HS6ST3: variants seen among roughly 807,000 people sequenced by gnomAD.
HS6ST3 encodes the protein heparan-sulfate 6-O-sulfotransferase 3.
A neutral mutation model predicts 36.7 loss-of-function variants in HS6ST3; 12 were observed. The observed-to-expected ratio is 0.33, with a 90% confidence interval of 0.21 to 0.53. The LOEUF is 0.53. HS6ST3 is among the 20% of genes least tolerant of loss of function. The probability of loss-of-function intolerance (pLI) is 0.95; values close to 1 mark genes in which losing one functional copy is unlikely to be tolerated. For missense variants in HS6ST3, 584 were observed against 640.9 expected, an observed-to-expected ratio of 0.91 and a Z score of 0.96; for synonymous variants, 240 against 257.5, an observed-to-expected ratio of 0.93 and a Z score of 0.65.
At chr13:96,577,929 A>G (rs146239099) in intron 1 of HS6ST3, among the ~76,000 whole-genome samples, 1 of 152,356 alleles carries the variant, frequency 6.6e-6, no homozygotes, top group African/African-American at 2.4e-5. Flanking sequence ...GGAAGACTGT[A>G]TAGATCTTTT....
chr13:96,210,322 G>A (rs2139356969), intron 1 of HS6ST3, among the ~76,000 whole-genome samples: 2 of 152,116 alleles, frequency 1.3e-5, no homozygotes, highest in East Asian at 3.9e-4. Context: ...TGATAACTAG[G>A]GAGAGAAGAG....
chr13:96,513,862 GAGA>G (rs1379560855), intron 1 of HS6ST3, among the ~76,000 whole-genome samples: 1 of 151,964 alleles, frequency 6.6e-6, no homozygotes, highest in African/African-American at 2.4e-5. Context: ...GAGATGCAAT[GAGA>G]AGGAGACCTG....
intron 1 of HS6ST3, among the ~76,000 whole-genome samples, chr13:96,530,385 G>A (rs1332940975): frequency 6.6e-6 from 1 of 152,072 alleles, no homozygotes; most frequent in Admixed American, 6.6e-5. Flanking sequence ...AGTAGGTTCT[G>A]GAAAGATAAG....
At chr13:96,588,757 T>A (rs1384032595) in intron 1 of HS6ST3, among the ~76,000 whole-genome samples, 1 of 152,016 alleles carries the variant, frequency 6.6e-6, no homozygotes, top group Non-Finnish European at 1.5e-5. Context: ...TTTTTTAAAG[T>A]GTTTCCTCTA....
At chr13:96,634,898 AT>A (rs2139003009) in intron 1 of HS6ST3, among the ~76,000 whole-genome samples, 1 of 12,344 alleles carries the variant, frequency 8.1e-5, no homozygotes, top group Non-Finnish European at 2.7e-4. Flanking sequence ...ATTAGGTTTA[AT>A]CTTAATCTCT....
At chr13:96,408,261 T>C (rs2055489101) in intron 1 of HS6ST3, among the ~76,000 whole-genome samples, 2 of 151,998 alleles carry the variant, frequency 1.3e-5, no homozygotes, top group Admixed American at 1.3e-4. Context: ...ATACTGATAA[T>C]GGAAAGTATG....
chr13:96,588,145 T>C (rs997859053), intron 1 of HS6ST3, among the ~76,000 whole-genome samples: 5 of 152,192 alleles, frequency 3.3e-5, no homozygotes, highest in Non-Finnish European at 7.3e-5. Context: ...TAACAGTTTT[T>C]ATGTGTATTG....
Position 96,835,130 on chromosome 13 carries a change from T to C in HS6ST3, c.*1932T>C, listed in dbSNP as rs1464080179. On this transcript the variant is annotated 3_prime_UTR_variant, in exon 2 of 2. Transcript: ENST00000376705. The stretch of plus-strand genomic sequence containing the variant: ...TCTTTACTCCGTCACCATATCCATA[T>C]GGAATAAGGGCTCGTCCTACCTAAA... The C allele has an allele frequency of 6.6e-6, 1 of 152,180 alleles. No individual in the cohort carries two copies. The highest frequency in any genetic ancestry group is 2.4e-5 in the African/African-American group (1 of 41,436). The allele number at this position is 152,180 out of a possible 1,614,324, so 9.4% of individuals were successfully genotyped here. A position where few individuals can be genotyped will look rare whatever the true frequency, so the allele number is the denominator to read the frequency against.
intron 1 of HS6ST3, among the ~76,000 whole-genome samples, chr13:96,478,706 A>T (rs1249727739): frequency 7.3e-6 from 1 of 136,426 alleles, no homozygotes; most frequent in Non-Finnish European, 1.7e-5. Context: ...TTATGTTCAC[A>T]ACTCTAATTT....
At chr13:96,514,864 C>G (rs1244229841) in intron 1 of HS6ST3, among the ~76,000 whole-genome samples, 4 of 152,098 alleles carry the variant, frequency 2.6e-5, no homozygotes, top group Admixed American at 2.6e-4. Flanking sequence ...ATTTAAGATA[C>G]TCTTAGGCAT....
chr13:96,413,730 A>G (rs2055519859), intron 1 of HS6ST3, among the ~76,000 whole-genome samples: 2 of 152,180 alleles, frequency 1.3e-5, no homozygotes, highest in South Asian at 4.1e-4. Context: ...GAAAATGATT[A>G]TGATTTGTGT....
chr13:96,702,891 G>T (rs1381646834), intron 1 of HS6ST3, among the ~76,000 whole-genome samples: 1 of 152,176 alleles, frequency 6.6e-6, no homozygotes, highest in Non-Finnish European at 1.5e-5. Flanking sequence ...TCCGAAGCAG[G>T]AATGATATAC....
intron 1 of HS6ST3, among the ~76,000 whole-genome samples, chr13:96,597,945 T>G (rs1192438360): frequency 6.6e-6 from 1 of 152,070 alleles, no homozygotes; most frequent in African/African-American, 2.4e-5. Flanking sequence ...TTCCCCAGTG[T>G]AGGTTTTTGT....
intron 1 of HS6ST3, among the ~76,000 whole-genome samples, chr13:96,442,025 GTT>G (rs1209849943): frequency 7.0e-6 from 1 of 143,330 alleles, no homozygotes. Context: ...TGATAATATA[GTT>G]TTTTTTTTTT....
At chr13:96,527,453 C>T (rs1004029341) in intron 1 of HS6ST3, among the ~76,000 whole-genome samples, 4 of 151,990 alleles carry the variant, frequency 2.6e-5, no homozygotes, top group Non-Finnish European at 2.9e-5. Context: ...TATTTGAGTG[C>T]GGGAAGCAGA....
intron 1 of HS6ST3, among the ~76,000 whole-genome samples, chr13:96,748,574 A>T (rs762772743): frequency 1.4e-4 from 22 of 152,096 alleles, no homozygotes; most frequent in African/African-American, 4.8e-4. Context: ...AATATCTCAC[A>T]TGCAATCTTT....
intron 1 of HS6ST3, among the ~76,000 whole-genome samples, chr13:96,106,768 G>A (rs972422277): frequency 5.9e-5 from 9 of 152,212 alleles, no homozygotes; most frequent in Non-Finnish European, 1.0e-4. Flanking sequence ...GAAGTACAAA[G>A]CAAGGTCATT....
At position 96,579,367 on chromosome 13, in the gene HS6ST3, C is replaced by A. The variant is rs1371996258; in HGVS notation, c.708-253123C>A. Among the ~76,000 whole-genome samples the A allele has an allele frequency of 4.6e-5, 7 of 152,138 alleles. No homozygotes were observed. In the South Asian group the frequency reaches 1.5e-3, roughly 32 times the overall value. On this transcript the variant is annotated intron_variant, in intron 1 of 1. Transcript: ENST00000376705. ...TCAGTGCAAAGACTTCAGACCAATT[C>A]TTTGTATTACACTTGGTTGCCTCTT...
intron 1 of HS6ST3, among the ~76,000 whole-genome samples, chr13:96,371,482 A>T (rs1475124750): frequency 6.6e-6 from 1 of 152,160 alleles, no homozygotes; most frequent in African/African-American, 2.4e-5. Flanking sequence ...TGATGAGCCT[A>T]CTTAAGATCT....
Sources: allele counts gnomAD v4.1 joint callset (sites outside exome capture counted in the v4.1 genomes callset), GRCh38; gene constraint gnomAD v4.1.1; transcripts MANE v1.5; gene names NCBI Gene and HGNC (gene_info 2026-07-23, HGNC 2026-07-21).